SIRT1: variants seen among roughly 807,000 people sequenced by gnomAD.
SIRT1 encodes the protein sirtuin 1, also known as NAD-dependent protein deacetylase sirtuin-1.
SIRT1 carries 24 observed loss-of-function variants against 67.9 expected under a neutral mutation model. That is an observed-to-expected ratio of 0.35 (90% CI 0.26 to 0.50). The LOEUF (loss-of-function observed/expected upper bound fraction) is 0.50, where lower values mean the gene tolerates loss of function less well. Ranked by LOEUF, SIRT1 falls within the 20% of genes least tolerant of loss-of-function variation. The probability of loss-of-function intolerance (pLI) is 0.98; values close to 1 mark genes in which losing one functional copy is unlikely to be tolerated. For missense variants in SIRT1, 873 were observed against 937.2 expected, an observed-to-expected ratio of 0.93 and a Z score of 0.89; for synonymous variants, 378 against 350.7, an observed-to-expected ratio of 1.08 and a Z score of -0.87.
intron 5 of SIRT1, 106 bp from the exon 6 acceptor site, chr10:67,907,940 T>TTAA (rs1303392875): frequency 6.4e-6 from 6 of 938,528 alleles, no homozygotes; most frequent in Non-Finnish European, 9.5e-6. Context: ...ACAAAAATCC[T>TTAA]TAAACCCTCT....
intron 4 of SIRT1, among the ~76,000 whole-genome samples, chr10:67,897,564 ATATT>A (rs1000101106): frequency 6.6e-6 from 1 of 152,058 alleles, no homozygotes; most frequent in Admixed American, 6.6e-5. Context: ...GGGTTTCACC[ATATT>A]GGCCAGGCTG....
chr10:67,886,757 A>G (rs535050674), intron 1 of SIRT1, among the ~76,000 whole-genome samples: 90 of 152,166 alleles, frequency 5.9e-4, no homozygotes, highest in Middle Eastern at 6.8e-3. Context: ...TGCCAAGGTT[A>G]TATTTGAATG....
Position 67,888,920 on chromosome 10 carries a change from AC to A in SIRT1, c.587del (p.Thr196LysfsTer23). 1 of 1,613,894 alleles carries A rather than the reference AC, an allele frequency of 6.2e-7. No individual in the cohort carries two copies. Among genetic ancestry groups the A allele is most frequent in the Non-Finnish European group, 8.5e-7 (1 of 1,179,876 alleles). The part of the protein sequence containing the change: ...TFVQQHLMIG[T>X]DPRTILKDLL... ...TGTTCAGCAACATCTTATGATTGGC[AC>A]AGATCCTCGAACAATTCTTAAAGAT... On this transcript the variant is annotated frameshift_variant, in exon 3 of 9. Transcript: ENST00000212015. LOFTEE classifies it high-confidence loss of function.
chr10:67,912,993 A>G lies in SIRT1; in HGVS notation c.1877A>G (p.Asn626Ser). ...GGAACAGTGAGAAAATGCTGGCCTA[A>G]TAGAGTGGCAAAGGAGCAGATTAGT... is the stretch of plus-strand genomic sequence containing the variant. ...VAGTVRKCWP[N>S]RVAKEQISRR... Residue 626 changes from asparagine (N) to serine (S), a missense_variant, in exon 8 of 9, where the codon AAT (asparagine) becomes AGT (serine). Coordinates refer to ENST00000212015, the MANE Select transcript of SIRT1 (RefSeq NM_012238.5). 6.2e-7 allele frequency: 1 copy of G among 1,611,622 alleles called. No homozygotes were observed. The highest frequency in any genetic ancestry group is 8.5e-7 in the Non-Finnish European group (1 of 1,179,366).
At chr10:67,910,185 G>A (rs1012626159) in intron 7 of SIRT1, among the ~76,000 whole-genome samples, 7 of 151,576 alleles carry the variant, frequency 4.6e-5, no homozygotes, top group South Asian at 2.1e-4. Context: ...GACCAGCCTG[G>A]CCAACATGGT....
chr10:67,918,175 A>T lies in SIRT1; in HGVS notation c.*1582A>T, dbSNP rs201634954. Reference sequence around the variant, plus strand: ...GTGCTATAGATGATATTTTAAATTGAAAAGTTTGTTTTAAATTATTTTTAC... The same window carrying T: ...GTGCTATAGATGATATTTTAAATTGTAAAGTTTGTTTTAAATTATTTTTAC... On this transcript the variant is annotated 3_prime_UTR_variant, in exon 9 of 9. Coordinates refer to ENST00000212015, the MANE Select transcript of SIRT1 (RefSeq NM_012238.5). 4 of 152,640 alleles carry T rather than the reference A, an allele frequency of 2.6e-5. No homozygotes were observed. Among genetic ancestry groups the T allele is most frequent in the African/African-American group, 4.8e-5 (2 of 41,460 alleles). 9.5% of individuals were successfully genotyped at this position (152,640 alleles called of 1,614,324 possible).
Position 67,912,963 on chromosome 10 carries a change from T to C in SIRT1, c.1847T>C (p.Val616Ala), listed in dbSNP as rs781614748. 4 of 1,613,962 alleles carry C rather than the reference T, an allele frequency of 2.5e-6. No homozygotes were observed. In the South Asian group the frequency reaches 4.4e-5, roughly 18 times the overall value. ...GGGGAGAAAAATGAAAGAACTTCAG[T>C]GGCTGGAACAGTGAGAAAATGCTGG... The part of the protein sequence containing the change: ...STGEKNERTS[V>A]AGTVRKCWPN... Residue 616 changes from valine to alanine, a missense_variant, in exon 8 of 9, where the codon GTG becomes GCG. By Grantham distance (64) the Val-to-Ala change is moderately conservative. Around this residue, in one of 3 missense-constraint regions of SIRT1, gnomAD observed 295 missense variants for 294.5 expected, o/e 1.00. Coordinates refer to ENST00000212015, the MANE Select transcript of SIRT1 (RefSeq NM_012238.5).
chr10:67,914,673 G>A (rs767176886), intron 8 of SIRT1, among the ~76,000 whole-genome samples: 22 of 152,102 alleles, frequency 1.4e-4, no homozygotes, highest in Non-Finnish European at 2.8e-4. Flanking sequence ...CTTTGCCCAG[G>A]AAACAGAGTT....
chr10:67,885,474 A>G (rs2131842896), intron 1 of SIRT1: 3 of 1,051,796 alleles, frequency 2.9e-6, no homozygotes, highest in East Asian at 7.5e-5. Context: ...TGCTTTTGTT[A>G]GAGCTTTTTT....
chr10:67,890,412 C>G (rs1279308984), intron 3 of SIRT1, among the ~76,000 whole-genome samples: 1 of 151,964 alleles, frequency 6.6e-6, no homozygotes, highest in African/African-American at 2.4e-5. Flanking sequence ...TAATAGAATC[C>G]TAACTAAAGG....
chr10:67,885,013 G>T lies in SIRT1; in HGVS notation c.292G>T (p.Ala98Ser), dbSNP rs1842451813. Residue 98 changes from alanine (A) to serine (S), a missense_variant, in exon 1 of 9, where the codon GCT (alanine) becomes TCT (serine). By Grantham distance (99) the Ala-to-Ser change is moderately conservative. Around this residue, in one of 3 missense-constraint regions of SIRT1, gnomAD observed 327 missense variants for 283.9 expected, o/e 1.15. Transcript: ENST00000212015. ...GCAAGAGGCCCAGGCGACTGCGGCG[G>T]CTGGGGAAGGAGACAATGGGCCGGG... is the stretch of plus-strand genomic sequence containing the variant. ...GEQEAQATAA[A>S]GEGDNGPGLQ... 3 of 1,321,240 alleles carry T rather than the reference G, an allele frequency of 2.3e-6. No individual in the cohort carries two copies. The highest frequency in any genetic ancestry group is 2.9e-6 in the Non-Finnish European group (3 of 1,027,040). 81.8% of individuals were successfully genotyped at this position (1,321,240 alleles called of 1,614,324 possible). A position where few individuals can be genotyped will look rare whatever the true frequency, so the allele number is the denominator to read the frequency against.
At chr10:67,887,330 TCGATGAAAATGATTGCTC>T in intron 1 of SIRT1, 69 bp from the exon 2 acceptor site, 1 of 817,616 alleles carries the variant, frequency 1.2e-6, no homozygotes, top group Admixed American at 1.8e-5. Flanking sequence ...AATGCTGTAC[TCGATGAAAATGATTGCTC>T]TATAACCGTT....
chr10:67,909,060 G>T (rs966204874), intron 6 of SIRT1, among the ~76,000 whole-genome samples, 196 bp from the exon 7 acceptor site: 3 of 151,898 alleles, frequency 2.0e-5, no homozygotes, highest in African/African-American at 7.3e-5. Flanking sequence ...TATAACAAGA[G>T]CATAGTATTT....
chr10:67,904,245 A>C (rs1217315285), intron 4 of SIRT1, among the ~76,000 whole-genome samples: 1 of 149,430 alleles, frequency 6.7e-6, no homozygotes, highest in East Asian at 2.0e-4. Context: ...CTCCCACCTC[A>C]GCCTTCTGAG....
chr10:67,891,689 C>T, intron 4 of SIRT1, 135 bp downstream of exon 4: 1 of 810,464 alleles, frequency 1.2e-6, no homozygotes, highest in Non-Finnish European at 1.9e-6. Flanking sequence ...TAAGATCACT[C>T]ATTATGGCTA....
chr10:67,893,345 T>C (rs1317047372), intron 4 of SIRT1, among the ~76,000 whole-genome samples: 1 of 152,154 alleles, frequency 6.6e-6, no homozygotes, highest in African/African-American at 2.4e-5. Context: ...CCCCACCCTG[T>C]GTCCATGTGT....
At position 67,893,132 on chromosome 10, in the gene SIRT1, A is replaced by G. The variant is rs573863571; in HGVS notation, c.942+1578A>G. ...GGAGGTATATATATTTGAAAGAGTC[A>G]TTTTATTTTATTTTACTTTAAGTGC... On this transcript the variant is annotated intron_variant, in intron 4 of 8. Coordinates refer to ENST00000212015, the MANE Select transcript of SIRT1 (RefSeq NM_012238.5). 3.3e-5 allele frequency among the ~76,000 whole-genome samples: 5 copies of G among 150,060 alleles called. No individual in the cohort carries two copies. In the East Asian group the frequency reaches 5.8e-4, roughly 17 times the overall value.
Position 67,888,977 on chromosome 10 carries a change from T to C in SIRT1, c.643T>C (p.Leu215=). The part of the protein sequence containing the change: ...LLPETIPPPE[L]DDMTLWQIVI... ...GCCGGAAACAATACCTCCACCTGAGTTGGATGATATGACACTGTGGCAGAT... is the reference window on the plus strand; with the variant it reads ...GCCGGAAACAATACCTCCACCTGAGCTGGATGATATGACACTGTGGCAGAT... Residue 215 remains leucine, a synonymous_variant, in exon 3 of 9, where the codon TTG becomes CTG. Coordinates refer to ENST00000212015, the MANE Select transcript of SIRT1 (RefSeq NM_012238.5). 6.2e-7 allele frequency: 1 copy of C among 1,613,914 alleles called. No homozygotes were observed. The highest frequency in any genetic ancestry group is 8.5e-7 in the Non-Finnish European group (1 of 1,179,932).
chr10:67,887,646 G>A (rs927483993), intron 2 of SIRT1, 113 bp downstream of exon 2: 2 of 636,936 alleles, frequency 3.1e-6, no homozygotes, highest in Admixed American at 2.5e-5. Context: ...GCGCGATCTC[G>A]GCTCACCGTA....
Sources: gnomAD v4.1 joint callset for allele counts (sites outside exome capture counted in the v4.1 genomes callset) on GRCh38, gnomAD v4.1.1 for gene constraint, gnomAD v4.1.1 regional missense constraint, MANE v1.5 for transcripts, NCBI Gene and HGNC (gene_info 2026-07-23, HGNC 2026-07-21) for gene names.